The following PCDHGB2 variants were observed in gnomAD, a reference collection of about 807,000 sequenced individuals.
PCDHGB2 encodes the protein protocadherin gamma-B2.
Under a neutral mutation model 59.3 loss-of-function variants are expected in PCDHGB2, and 55 were observed. The ratio of observed to expected loss-of-function variants is 0.93; its 90% CI spans 0.75 to 1.16. PCDHGB2 has a LOEUF of 1.16. PCDHGB2 is among the 50% of genes most tolerant of loss of function. The pLI, the probability that PCDHGB2 is intolerant of heterozygous loss-of-function variation, is 0.00. For missense variants in PCDHGB2, 1,228 were observed against 1,198.5 expected (o/e 1.02, Z -0.36); for synonymous variants, 516 against 512.0 (o/e 1.01, Z -0.11).
chr5:141,408,287 C>G (rs2095075582), intron 1 of PCDHGB2: 1 of 1,613,354 alleles, frequency 6.2e-7, no homozygotes, highest in African/African-American at 1.3e-5. Flanking sequence ...CTACCCCACC[C>G]TGAGTGAGCC....
At chr5:141,414,097 T>C (rs1442366960) in intron 1 of PCDHGB2, 1 of 1,594,352 alleles carries the variant, frequency 6.3e-7, no homozygotes, top group South Asian at 1.1e-5. Context: ...AATAAAAATA[T>C]CAGAAAATCT....
At chr5:141,422,217 C>T (rs1207888890) in intron 1 of PCDHGB2, 2 of 1,563,582 alleles carry the variant, frequency 1.3e-6, no homozygotes, top group Admixed American at 2.0e-5. Context: ...GTCTCTTTAC[C>T]ACCACGACGA....
At chr5:141,508,123 G>A (rs989767852) in intron 3 of PCDHGB2, 1 of 152,616 alleles carries the variant, frequency 6.6e-6, no homozygotes, top group Non-Finnish European at 1.5e-5. Context: ...GAGGACAGAG[G>A]GAGGTCAGGG....
At position 141,489,774 on chromosome 5, in the gene PCDHGB2, C is replaced by T; in HGVS notation, c.2422-5033C>T. The T allele has an allele frequency of 1.2e-6, 2 of 1,614,164 alleles. No homozygotes were observed. Among genetic ancestry groups the T allele is most frequent in the Non-Finnish European group, 8.5e-7 (1 of 1,179,998 alleles). On this transcript the variant is annotated intron_variant, in intron 1 of 3. Transcript: ENST00000522605. The surrounding 1 kb of genome is among the most constrained non-coding windows in gnomAD (Gnocchi z 4.5). The stretch of plus-strand genomic sequence containing the variant: ...ACACTCTAAGCCCCAACAGCCACTT[C>T]TCTCTGAATGTGAAGACCCTAAAAG...
In PCDHGB2 at chr5:141,489,664, A is replaced by C. The variant is rs745597010; in HGVS notation, c.2422-5143A>C. 1.9e-6 allele frequency: 3 copies of C among 1,614,224 alleles called. No individual in the cohort carries two copies. Among genetic ancestry groups the C allele is most frequent in the African/African-American group, 1.3e-5 (1 of 75,058 alleles). On this transcript the variant is annotated intron_variant, in intron 1 of 3. Transcript: ENST00000522605. This position sits in a 1 kb window ranked among gnomAD's most constrained non-coding sequence, Gnocchi z 4.5. ...TGCCACCCCTGAGCGAGAGATGCGC[A>C]TCTCAGAATCAGCAGCATCTGGGGC... is the stretch of plus-strand genomic sequence containing the variant.
chr5:141,464,200 G>C (rs1331779739), intron 1 of PCDHGB2, among the ~76,000 whole-genome samples: 1 of 149,856 alleles, frequency 6.7e-6, no homozygotes, highest in Non-Finnish European at 1.5e-5. Flanking sequence ...AGGAGGCGGA[G>C]ATTGCAGTGA....
Position 141,420,413 on chromosome 5 carries a change from A to G in PCDHGB2, c.2421+57857A>G, listed in dbSNP as rs191893876. 4 of 1,222,394 alleles carry G rather than the reference A, an allele frequency of 3.3e-6. No individual in the cohort carries two copies. In the Admixed American group the frequency reaches 1.1e-4, roughly 33 times the overall value. 75.7% of individuals were successfully genotyped at this position (1,222,394 alleles called of 1,614,324 possible). A position where few individuals can be genotyped will look rare whatever the true frequency, so the allele number is the denominator to read the frequency against. ...ATAGGTCAAATTTATGGTTATCATT[A>G]TTAAAACAAAAGTTTAAATTAAATG... On this transcript the variant is annotated intron_variant, in intron 1 of 3. Transcript: ENST00000522605.
chr5:141,477,878 C>T lies in PCDHGB2; in HGVS notation c.2422-16929C>T. On this transcript the variant is annotated intron_variant, in intron 1 of 3. Coordinates refer to ENST00000522605, the MANE Select transcript of PCDHGB2 (RefSeq NM_018923.3). The surrounding 1 kb of genome is among the most constrained non-coding windows in gnomAD (Gnocchi z 4.9). ...GCTGCCTCGAGGTACCTCAGCTGGC[C>T]ACCTAGTGTCACGGGTGGTAGGCTG... 2.5e-6 allele frequency: 4 copies of T among 1,614,158 alleles called. No individual in the cohort carries two copies. Among genetic ancestry groups the T allele is most frequent in the Non-Finnish European group, 3.4e-6 (4 of 1,180,008 alleles).
intron 1 of PCDHGB2, chr5:141,404,969 G>T (rs2094589920): frequency 6.2e-7 from 1 of 1,613,964 alleles, no homozygotes; most frequent in East Asian, 2.2e-5. Context: ...AGACATCCTG[G>T]CTGACCTGGG....
At chr5:141,365,071 C>T (rs184618404) in intron 1 of PCDHGB2, 6 of 1,613,868 alleles carry the variant, frequency 3.7e-6, no homozygotes, top group Non-Finnish European at 5.1e-6. Flanking sequence ...CATCCGAGTA[C>T]AGCGTGAGTG....
chr5:141,389,496 CCAGCGCT>C, intron 1 of PCDHGB2: 1 of 1,613,068 alleles, frequency 6.2e-7, no homozygotes, highest in Non-Finnish European at 8.5e-7. Context: ...CCAGGGCTCG[CCAGCGCT>C]CAGCGCGAAC....
intron 1 of PCDHGB2, chr5:141,403,447 C>G (rs1382965437): frequency 6.2e-7 from 1 of 1,613,924 alleles, no homozygotes; most frequent in Non-Finnish European, 8.5e-7. Context: ...TTGGCGTGAA[C>G]TCCCTCCAGA....
intron 1 of PCDHGB2, chr5:141,423,389 A>G (rs568843632): frequency 2.5e-6 from 4 of 1,614,160 alleles, no homozygotes; most frequent in Admixed American, 1.7e-5. Flanking sequence ...TGGCGCTGGC[A>G]TAAGTCACGC....
At chr5:141,451,954 G>A (rs2098729151) in intron 1 of PCDHGB2, among the ~76,000 whole-genome samples, 1 of 152,084 alleles carries the variant, frequency 6.6e-6, no homozygotes, top group Non-Finnish European at 1.5e-5. Flanking sequence ...CCGAGAAAGT[G>A]ACATACCATC....
At position 141,400,611 on chromosome 5, in the gene PCDHGB2, G is replaced by A. The variant is rs555600694; in HGVS notation, c.2421+38055G>A. The A allele has an allele frequency of 1.3e-5, 20 of 1,573,002 alleles. No homozygotes were observed. In the African/African-American group the frequency reaches 2.4e-4, roughly 19 times the overall value. On this transcript the variant is annotated intron_variant, in intron 1 of 3. Coordinates refer to ENST00000522605, the MANE Select transcript of PCDHGB2 (RefSeq NM_018923.3). The stretch of plus-strand genomic sequence containing the variant: ...ACTATCGTACATTTTCAAGTCCAAT[G>A]AGTTGTCTTAGGGAAGTCAGAGCTG...
chr5:141,372,537 C>A lies in PCDHGB2; in HGVS notation c.2421+9981C>A, dbSNP rs138338803. 3.0e-3 allele frequency: 4,858 copies of A among 1,614,046 alleles called. 5 individuals carry two copies. The highest frequency in any genetic ancestry group is 4.8e-3 in the Admixed American group (290 of 60,038). On this transcript the variant is annotated intron_variant, in intron 1 of 3. Coordinates refer to ENST00000522605, the MANE Select transcript of PCDHGB2 (RefSeq NM_018923.3). The stretch of plus-strand genomic sequence containing the variant: ...GGTGATTCTGGCAATCTCCCTGCGC[C>A]TGCGATGCTCCTCCAGACCCGCCAC...
chr5:141,393,263 A>G, intron 1 of PCDHGB2: 2 of 1,613,926 alleles, frequency 1.2e-6, no homozygotes, highest in Non-Finnish European at 1.7e-6. Context: ...TTCCTGGAGC[A>G]CGTTATCCAC....
chr5:141,434,044 A>T (rs2097670450), intron 1 of PCDHGB2, among the ~76,000 whole-genome samples: 2 of 152,132 alleles, frequency 1.3e-5, no homozygotes, highest in South Asian at 4.1e-4. Flanking sequence ...TTTCTATTTT[A>T]TTCAATGGCC....
chr5:141,413,559 T>A, intron 1 of PCDHGB2: 1 of 1,613,862 alleles, frequency 6.2e-7, no homozygotes. Flanking sequence ...TAGAAGTAAC[T>A]GATATCAATG....
Sources: gnomAD v4.1 joint callset for allele counts (sites outside exome capture counted in the v4.1 genomes callset) on GRCh38, gnomAD v4.1.1 for gene constraint, Gnocchi (gnomAD v3.1) non-coding constraint, MANE v1.5 for transcripts, NCBI Gene and HGNC (gene_info 2026-07-23, HGNC 2026-07-21) for gene names.